The following MYH3 variants were observed in gnomAD, a reference collection of about 807,000 sequenced individuals.
The protein encoded by MYH3 is myosin heavy chain 3.
MYH3 carries 130 observed loss-of-function variants against 238.0 expected under a neutral mutation model. The ratio of observed to expected loss-of-function variants is 0.55; its 90% CI spans 0.47 to 0.63. MYH3 has a LOEUF of 0.63. MYH3 is among the 30% of genes least tolerant of loss of function. The probability of loss-of-function intolerance (pLI) is 0.00; values close to 1 mark genes in which losing one functional copy is unlikely to be tolerated. For synonymous variants in MYH3, 880 were observed against 924.1 expected, an observed-to-expected ratio of 0.95 and a Z score of 0.86; for missense variants, 1,853 against 2,374.9, an observed-to-expected ratio of 0.78 and a Z score of 4.57.
intron 33 of MYH3, among the ~76,000 whole-genome samples, chr17:10,633,254 A>G (rs1396845009): frequency 1.3e-5 from 2 of 152,200 alleles, no homozygotes; most frequent in Non-Finnish European, 2.9e-5. Flanking sequence ...AGCACGTTTC[A>G]TTGCTTTTTG....
At chr17:10,657,906 CTTA>C (rs892199817), upstream of MYH3, among the ~76,000 whole-genome samples, 44 of 152,236 alleles carry the variant, frequency 2.9e-4, no homozygotes, top group Middle Eastern at 3.4e-3. Context: ...CCTTCTTTCT[CTTA>C]TTTTCTCCTA....
At position 10,640,265 on chromosome 17, in the gene MYH3, A is replaced by G; in HGVS notation, c.2427-14T>C. The G allele has an allele frequency of 6.2e-7, 1 of 1,614,188 alleles. No individual in the cohort carries two copies. The highest frequency in any genetic ancestry group is 1.1e-5 in the South Asian group (1 of 91,084). On this transcript the variant is annotated splice_polypyrimidine_tract_variant and intron_variant, in intron 21 of 40. Transcript: ENST00000583535. ...AAGATGGACTCCCTAAAAACAAGAC[A>G]TTGCTTATTTCTGAGAGAGACTCCC...
chr17:10,670,734 T>C, the MYH3 span, among the ~76,000 whole-genome samples: 1 of 152,184 alleles, frequency 6.6e-6, no homozygotes, highest in Non-Finnish European at 1.5e-5. The surrounding 1 kb of genome is among the most constrained non-coding windows in gnomAD (Gnocchi z 7.0). Context: ...TTTTTGTGCT[T>C]ATGCAAACAA....
Position 10,635,408 on chromosome 17 carries a change from C to A in MYH3, c.4131G>T (p.Glu1377Asp). 1 of 1,614,070 alleles carries A rather than the reference C, an allele frequency of 6.2e-7. No homozygotes were observed. Residue 1377 changes from glutamate (E) to aspartate (D), a missense_variant, in exon 30 of 41, where the codon GAG becomes GAT. By Grantham distance (45) the Glu-to-Asp change is conservative. Transcript: ENST00000583535. ...SEVAQWRTKY[E>D]TDAIQRTEEL... ...CTTCTGTGCGCTGGATGGCGTCCGT[C>A]TCGTATTTGGTTCTCCACTGGGCAA...
intron 10 of MYH3, among the ~76,000 whole-genome samples, chr17:10,646,339 T>C (rs1344404829): frequency 1.3e-5 from 2 of 152,156 alleles, no homozygotes; most frequent in Non-Finnish European, 2.9e-5. Flanking sequence ...GAAAACTGGC[T>C]GAGTGCGGGT....
upstream of MYH3, among the ~76,000 whole-genome samples, chr17:10,661,030 G>A (rs1274611064): frequency 6.6e-6 from 1 of 150,900 alleles, no homozygotes; most frequent in East Asian, 2.1e-4. Flanking sequence ...AGGCTGGAGT[G>A]CGATGGCGCT....
intron 6 of MYH3, 87 bp downstream of exon 6, chr17:10,650,287 T>G: frequency 7.1e-7 from 1 of 1,409,756 alleles, no homozygotes; most frequent in Non-Finnish European, 1.0e-6. Context: ...GATCTTTTTA[T>G]TATAGACTCT....
chr17:10,651,672 T>C lies in MYH3; in HGVS notation c.349-4A>G. ...CACAGAAGAGGCCTGAGTAGGTCTG[T>C]GGGAGGAAAAACATATACGTGCGTA... On this transcript the variant is annotated splice_region_variant and splice_polypyrimidine_tract_variant and intron_variant, in intron 4 of 40. Transcript: ENST00000583535. The C allele has an allele frequency of 4.3e-6, 7 of 1,613,782 alleles. No homozygotes were observed. The highest frequency in any genetic ancestry group is 5.9e-6 in the Non-Finnish European group (7 of 1,179,914).
chr17:10,633,919 G>C (rs1307745492), intron 32 of MYH3, 98 bp downstream of exon 32: 1 of 1,516,844 alleles, frequency 6.6e-7, no homozygotes, highest in Non-Finnish European at 9.1e-7. Context: ...ACACACATGT[G>C]TGCAGGAAAC....
the MYH3 span, among the ~76,000 whole-genome samples, chr17:10,667,697 A>G: frequency 6.6e-6 from 1 of 151,766 alleles, no homozygotes; most frequent in Non-Finnish European, 1.5e-5. Context: ...AAAAAAAAAA[A>G]AGAATTAGAA....
intron 2 of MYH3, among the ~76,000 whole-genome samples, chr17:10,655,824 C>G (rs34842079): frequency 0.63 from 95,740 of 151,968 alleles, 32,059 homozygotes; most frequent in Non-Finnish European, 0.77. Flanking sequence ...GCTAATTTTT[C>G]TATTTTTAGT....
In MYH3 at chr17:10,640,215, T is replaced by C; in HGVS notation, c.2463A>G (p.Ser821=). 1 of 1,614,200 alleles carries C rather than the reference T, an allele frequency of 6.2e-7. No individual in the cohort carries two copies. Among genetic ancestry groups the C allele is most frequent in the Non-Finnish European group, 8.5e-7 (1 of 1,180,038 alleles). The part of the protein sequence containing the change: ...SIFCIQYNIR[S]FMNVKHWPWM... ...AGGGCCAGTGCTTGACGTTCATGAA[T>C]GAGCGAATGTTGTACTGGATGCAGA... Residue 821 remains serine (S), a synonymous_variant, in exon 22 of 41, where the codon TCA becomes TCG. Transcript: ENST00000583535.
chr17:10,631,864 C>T lies in MYH3; in HGVS notation c.5109G>A (p.Ala1703=), dbSNP rs114770362. The T allele has an allele frequency of 4.5e-4, 721 of 1,614,120 alleles. 7 individuals are homozygous for T. In the African/African-American group the frequency reaches 8.7e-3, roughly 19 times the overall value. Residue 1703 remains alanine, a synonymous_variant, in exon 35 of 41, where the codon GCG becomes GCA. Coordinates refer to ENST00000583535, the MANE Select transcript of MYH3 (RefSeq NM_002470.4). ...LEQTERARKL[A]EQELLDSNER... ...CGTTGGAGTCCAGGAGCTCCTGTTCCGCCAGTTTCCGGGCCCTCTCCGTCT... is the reference window on the plus strand; with the variant it reads ...CGTTGGAGTCCAGGAGCTCCTGTTCTGCCAGTTTCCGGGCCCTCTCCGTCT...
chr17:10,640,184 T>G lies in MYH3; in HGVS notation c.2494A>C (p.Lys832Gln). The change falls in exon 22 of 41, where the codon AAA (lysine) becomes CAA (glutamine). Residue 832 changes from lysine (K) to glutamine (Q), a missense_variant. Lys to Gln is a moderately conservative substitution (Grantham distance 53). This residue lies in a region of MYH3 where 678 missense variants were observed against 1,058.9 expected (regional missense o/e 0.64). Coordinates refer to ENST00000583535, the MANE Select transcript of MYH3 (RefSeq NM_002470.4). ...AGGGGCTTGATCTTGAAGAAGAGTT[T>G]CATCCAGGGCCAGTGCTTGACGTTC... ...FMNVKHWPWM[K>Q]LFFKIKPLLK... is the part of the protein sequence containing the mutation. 6.2e-7 allele frequency: 1 copy of G among 1,614,232 alleles called. No individual in the cohort carries two copies. The highest frequency in any genetic ancestry group is 1.1e-5 in the South Asian group (1 of 91,088).
chr17:10,669,577 A>T, the MYH3 span, among the ~76,000 whole-genome samples: 1 of 151,706 alleles, frequency 6.6e-6, no homozygotes, highest in African/African-American at 2.4e-5. Context: ...AAAAAAAAAA[A>T]AAAAAAAGAG....
rs1283906363 is a variant in MYH3, at chr17:10,651,671, G to C, written c.349-3C>G. 31 of 1,613,856 alleles carry C rather than the reference G, an allele frequency of 1.9e-5. No homozygotes were observed. The highest frequency in any genetic ancestry group is 2.3e-5 in the Non-Finnish European group (27 of 1,179,948). ...ACACAGAAGAGGCCTGAGTAGGTCTGTGGGAGGAAAAACATATACGTGCGT... is the reference window on the plus strand; with the variant it reads ...ACACAGAAGAGGCCTGAGTAGGTCTCTGGGAGGAAAAACATATACGTGCGT... On this transcript the variant is annotated splice_region_variant and splice_polypyrimidine_tract_variant and intron_variant, in intron 4 of 40. Transcript: ENST00000583535.
intron 8 of MYH3, among the ~76,000 whole-genome samples, chr17:10,648,207 C>T (rs1379315043): frequency 6.6e-6 from 1 of 152,100 alleles, no homozygotes; most frequent in East Asian, 1.9e-4. Flanking sequence ...CCTGACTGCA[C>T]CAGGCCCTCC....
Position 10,629,655 on chromosome 17 carries a change from A to G in MYH3, c.5738T>C (p.Ile1913Thr). Residue 1913 changes from isoleucine (I) to threonine (T), a missense_variant, in exon 40 of 41, where the codon ATC becomes ACC. This residue lies in a region of MYH3 where 1,044 missense variants were observed against 1,192.6 expected (regional missense o/e 0.88). Coordinates refer to ENST00000583535, the MANE Select transcript of MYH3 (RefSeq NM_002470.4). ...ELEEAEERAD[I>T]AESQVNKLRA... ...GAGCTTGTTGACTTGAGATTCTGCG[A>G]TATCCGCACGTTCCTCGGCCTCCTC... The G allele has an allele frequency of 6.2e-7, 1 of 1,614,220 alleles. No homozygotes were observed. The highest frequency in any genetic ancestry group is 8.5e-7 in the Non-Finnish European group (1 of 1,180,050).
rs760685516 is a variant in MYH3, at chr17:10,633,567, C to T, written c.4647+24G>A. 4 of 1,611,616 alleles carry T rather than the reference C, an allele frequency of 2.5e-6. No individual in the cohort carries two copies. In the South Asian group the frequency reaches 3.3e-5, roughly 13 times the overall value. ...TGGCTCACCATGGCTGCATCTGCGC[C>T]TGAGCCTGCCTCCCAGCACTCACCT... On this transcript the variant is annotated intron_variant, in intron 33 of 40. Transcript: ENST00000583535.
Sources: allele counts gnomAD v4.1 joint callset (sites outside exome capture counted in the v4.1 genomes callset), GRCh38; gene constraint gnomAD v4.1.1; regional missense constraint gnomAD v4.1.1; non-coding constraint Gnocchi (gnomAD v3.1); transcripts MANE v1.5; gene names NCBI Gene and HGNC (gene_info 2026-07-23, HGNC 2026-07-21).